Variants in LUZP2 observed in about 807,000 individuals in gnomAD.
LUZP2 encodes leucine zipper protein 2.
LUZP2 carries 52 observed loss-of-function variants against 51.6 expected under a neutral mutation model. The ratio of observed to expected loss-of-function variants is 1.01; its 90% confidence interval spans 0.81 to 1.27. LUZP2 has a LOEUF of 1.27. Ranked by LOEUF, LUZP2 falls within the 50% of genes most tolerant of loss-of-function variation. The pLI is 0.00. For missense variants in LUZP2, 436 were observed against 395.4 expected (o/e 1.10, Z -0.87); for synonymous variants, 154 against 137.3 (o/e 1.12, Z -0.85).
intron 1 of LUZP2, among the ~76,000 whole-genome samples, chr11:24,602,279 T>C (rs1418796921): frequency 2.8e-5 from 4 of 140,590 alleles, no homozygotes; most frequent in Non-Finnish European, 3.0e-5. Flanking sequence ...CATACATATA[T>C]ACACACATAT....
At chr11:24,690,922 T>C (rs1271315464) in intron 1 of LUZP2, among the ~76,000 whole-genome samples, 1 of 152,072 alleles carries the variant, frequency 6.6e-6, no homozygotes, top group African/African-American at 2.4e-5. Context: ...AGAGCACAAA[T>C]TTTAAGATGA....
At chr11:24,722,240 C>T (rs1858301205) in intron 1 of LUZP2, among the ~76,000 whole-genome samples, 1 of 152,108 alleles carries the variant, frequency 6.6e-6, no homozygotes, top group Non-Finnish European at 1.5e-5. Context: ...ATATTTGTAT[C>T]AGTCTGTTTT....
intron 1 of LUZP2, among the ~76,000 whole-genome samples, chr11:24,548,273 C>G (rs1851620210): frequency 1.3e-5 from 2 of 152,006 alleles, no homozygotes; most frequent in Admixed American, 1.3e-4. Flanking sequence ...CAGCACTGTT[C>G]ATAATAACAA....
chr11:24,589,479 T>C (rs948264900), intron 1 of LUZP2, among the ~76,000 whole-genome samples: 1 of 152,238 alleles, frequency 6.6e-6, no homozygotes, highest in Non-Finnish European at 1.5e-5. Context: ...TAACTTGCAA[T>C]TTAAGTGCAA....
chr11:24,856,362 G>A (rs1308696786), intron 5 of LUZP2, among the ~76,000 whole-genome samples: 1 of 152,048 alleles, frequency 6.6e-6, no homozygotes, highest in Non-Finnish European at 1.5e-5. Flanking sequence ...ATCAAGAAAT[G>A]TGAATTAAAA....
chr11:24,982,853 C>T (rs1166168676), intron 8 of LUZP2, among the ~76,000 whole-genome samples: 1 of 151,742 alleles, frequency 6.6e-6, no homozygotes, highest in Non-Finnish European at 1.5e-5. Context: ...TGCAAACTAT[C>T]ATGGTGGAAA....
intron 1 of LUZP2, among the ~76,000 whole-genome samples, chr11:24,636,678 C>A (rs1225384951): frequency 6.6e-6 from 1 of 152,194 alleles, no homozygotes; most frequent in Non-Finnish European, 1.5e-5. Flanking sequence ...ATCCAGCCCA[C>A]AATCTTCACT....
intron 5 of LUZP2, among the ~76,000 whole-genome samples, chr11:24,881,674 A>C (rs979434359): frequency 5.9e-5 from 9 of 152,074 alleles, no homozygotes; most frequent in Non-Finnish European, 1.2e-4. Flanking sequence ...TAACCATCAA[A>C]AATTTCAACA....
intron 1 of LUZP2, 43 bp from the exon 2 acceptor site, chr11:24,729,126 G>A: frequency 9.6e-7 from 1 of 1,039,970 alleles, no homozygotes; most frequent in Middle Eastern, 2.3e-4. Flanking sequence ...GATGCCAAGT[G>A]GAACCATTTG....
chr11:24,996,689 T>A (rs1034141519), intron 9 of LUZP2, among the ~76,000 whole-genome samples: 3 of 151,750 alleles, frequency 2.0e-5, no homozygotes, highest in African/African-American at 4.8e-5. Context: ...TACATATGTA[T>A]ACATGTGCCA....
rs540194699 is a variant in LUZP2, at chr11:24,504,208, A to G, written c.62+6903A>G. The stretch of plus-strand genomic sequence containing the variant: ...ATAGTTCTCAGACATTTGCTGATAT[A>G]AATCTCACTTGATAAATCTGTGCTG... On this transcript the variant is annotated intron_variant, in intron 1 of 11. Transcript: ENST00000336930. Among the ~76,000 whole-genome samples the G allele has an allele frequency of 2.0e-5, 3 of 152,338 alleles. No individual in the cohort carries two copies. The East Asian group carries it at 5.8e-4, about 29-fold the overall frequency.
chr11:24,938,903 T>A (rs553491971), intron 7 of LUZP2, among the ~76,000 whole-genome samples: 787 of 152,278 alleles, frequency 5.2e-3, no homozygotes, highest in Non-Finnish European at 9.4e-3. Context: ...CACCTGTATA[T>A]CTTGTTGAAA....
intron 1 of LUZP2, among the ~76,000 whole-genome samples, chr11:24,514,484 G>C (rs1258320786): frequency 6.6e-6 from 1 of 152,182 alleles, no homozygotes; most frequent in Admixed American, 6.5e-5. Flanking sequence ...GTATATTGTA[G>C]TATTAAGGGA....
chr11:24,621,936 A>G (rs1338846129), intron 1 of LUZP2, among the ~76,000 whole-genome samples: 2 of 150,474 alleles, frequency 1.3e-5, no homozygotes. Flanking sequence ...GAACACTGCA[A>G]AACACTCCTT....
chr11:25,064,622 G>A (rs1590890557), intron 10 of LUZP2, among the ~76,000 whole-genome samples: 1 of 152,020 alleles, frequency 6.6e-6, no homozygotes, highest in African/African-American at 2.4e-5. Flanking sequence ...AGGTCTCAGA[G>A]GTGACCGAAC....
intron 1 of LUZP2, among the ~76,000 whole-genome samples, chr11:24,568,852 G>C (rs1450525941): frequency 6.6e-6 from 1 of 151,916 alleles, no homozygotes; most frequent in Non-Finnish European, 1.5e-5. Context: ...GTAAATAGCC[G>C]TTGCTTCTTT....
At chr11:25,017,850 A>C (rs1182923228) in intron 9 of LUZP2, among the ~76,000 whole-genome samples, 1 of 152,110 alleles carries the variant, frequency 6.6e-6, no homozygotes, top group Non-Finnish European at 1.5e-5. Flanking sequence ...ATTGCACTGC[A>C]TCTGTAAATT....
At chr11:24,606,628 T>C (rs1853927969) in intron 1 of LUZP2, among the ~76,000 whole-genome samples, 1 of 152,018 alleles carries the variant, frequency 6.6e-6, no homozygotes, top group African/African-American at 2.4e-5. Flanking sequence ...CTCTGATATT[T>C]CTCTGAGTTA....
At position 24,497,252 on chromosome 11, in the gene LUZP2, C is replaced by T. The variant is rs757542467; in HGVS notation, c.9C>T (p.Phe3=). ...CCCCGGCAGGCAGCAGCATGAAATT[C>T]AGCCCAGCGCACTACCTGCTGCCTC... The part of the protein sequence containing the change: MK[F]SPAHYLLPLL... The change falls in exon 1 of 12, where the codon TTC becomes TTT. Residue 3 remains phenylalanine (F), a synonymous_variant. Coordinates refer to ENST00000336930, the MANE Select transcript of LUZP2 (RefSeq NM_001009909.4). 16 of 1,555,996 alleles carry T rather than the reference C, an allele frequency of 1.0e-5. No individual in the cohort carries two copies. The highest frequency in any genetic ancestry group is 1.4e-5 in the Non-Finnish European group (16 of 1,148,486).
Sources: gnomAD v4.1 joint callset for allele counts (sites outside exome capture counted in the v4.1 genomes callset) on GRCh38, gnomAD v4.1.1 for gene constraint, MANE v1.5 for transcripts, NCBI Gene and HGNC (gene_info 2026-07-23, HGNC 2026-07-21) for gene names.